The following GABRA1 variants were observed in gnomAD, a reference collection of about 807,000 sequenced individuals.
GABRA1 encodes the protein gamma-aminobutyric acid type A receptor subunit alpha1, also known as gamma-aminobutyric acid receptor subunit alpha-1.
GABRA1 carries 9 observed loss-of-function variants against 48.9 expected under a neutral mutation model. That is an observed-to-expected ratio of 0.18 (90% CI 0.11 to 0.32). GABRA1 has a LOEUF of 0.32. Among genes scored for constraint, GABRA1 ranks in the 10% least tolerant of loss-of-function variants. The probability of loss-of-function intolerance (pLI) is 1.00; values close to 1 mark genes in which losing one functional copy is unlikely to be tolerated. For synonymous variants in GABRA1, 210 were observed against 198.7 expected (o/e 1.06, Z -0.48); for missense variants, 285 against 553.8 (o/e 0.51, Z 4.87).
At chr5:161,852,825 C>T (rs763593020) in intron 2 of GABRA1, among the ~76,000 whole-genome samples, 2 of 151,810 alleles carry the variant, frequency 1.3e-5, no homozygotes, top group Non-Finnish European at 2.9e-5. Context: ...AGAATAATAG[C>T]CATTGCATTT....
At position 161,897,113 on chromosome 5, in the gene GABRA1, A is replaced by T; in HGVS notation, c.1062A>T (p.Pro354=). 1 of 1,613,910 alleles carries T rather than the reference A, an allele frequency of 6.2e-7. No homozygotes were observed. The highest frequency in any genetic ancestry group is 8.5e-7 in the Non-Finnish European group (1 of 1,179,814). ...TGCATTGCTCTTTCTTTCTACAGCC[A>T]AAGAAAGTAAAGGATCCTCTTATTA... is the stretch of plus-strand genomic sequence containing the variant. ...WDGKSVVPEK[P]KKVKDPLIKK... The change falls in exon 10 of 10, where the codon CCA becomes CCT. Residue 354 remains proline, a splice_region_variant and synonymous_variant. Coordinates refer to ENST00000393943, the MANE Select transcript of GABRA1 (RefSeq NM_001127644.2).
At chr5:161,852,981 G>A (rs1757510279) in intron 2 of GABRA1, among the ~76,000 whole-genome samples, 1 of 151,820 alleles carries the variant, frequency 6.6e-6, no homozygotes, top group Non-Finnish European at 1.5e-5. Flanking sequence ...CAACACACAG[G>A]AATGAAGCCC....
chr5:161,859,834 A>G (rs1301958476), intron 3 of GABRA1, among the ~76,000 whole-genome samples: 1 of 151,906 alleles, frequency 6.6e-6, no homozygotes, highest in Non-Finnish European at 1.5e-5. Flanking sequence ...ACGATTTCCA[A>G]ATAAAATTAA....
intron 7 of GABRA1, among the ~76,000 whole-genome samples, chr5:161,885,297 A>G (rs934307039): frequency 2.0e-5 from 3 of 152,242 alleles, no homozygotes; most frequent in African/African-American, 7.2e-5. Context: ...AAGGTCTGCA[A>G]TGCTGTATTT....
chr5:161,870,623 C>T (rs1021517071), intron 4 of GABRA1, among the ~76,000 whole-genome samples: 1 of 146,752 alleles, frequency 6.8e-6, no homozygotes, highest in Non-Finnish European at 1.5e-5. Flanking sequence ...GAAAGAAAGA[C>T]AGACAGACAG....
intron 8 of GABRA1, among the ~76,000 whole-genome samples, chr5:161,894,713 AC>A (rs1561587174): frequency 6.9e-6 from 1 of 144,758 alleles, no homozygotes; most frequent in African/African-American, 2.7e-5. Context: ...ATACTTTTGT[AC>A]TGAGTATAGT....
At chr5:161,882,530 T>G in intron 6 of GABRA1, 28 bp from the exon 7 acceptor site, 1 of 1,605,256 alleles carries the variant, frequency 6.2e-7, no homozygotes, top group Non-Finnish European at 8.5e-7. Context: ...GTAAAATATA[T>G]GGATCATTTT....
chr5:161,867,799 C>A (rs968693341), intron 4 of GABRA1, among the ~76,000 whole-genome samples: 2 of 152,060 alleles, frequency 1.3e-5, no homozygotes, highest in Non-Finnish European at 2.9e-5. Flanking sequence ...AAAAAATTGA[C>A]TTTCCGTTTT....
intron 3 of GABRA1, among the ~76,000 whole-genome samples, chr5:161,856,152 T>C (rs75692691): frequency 7.3e-5 from 11 of 151,406 alleles, no homozygotes; most frequent in Non-Finnish European, 1.6e-4. Flanking sequence ...TATGCACTCC[T>C]AGACCCTGGA....
At chr5:161,890,532 G>T (rs998550316) in intron 7 of GABRA1, among the ~76,000 whole-genome samples, 1 of 152,006 alleles carries the variant, frequency 6.6e-6, no homozygotes, top group African/African-American at 2.4e-5. Context: ...GATCTGATCT[G>T]TTTCTGACCC....
At chr5:161,881,121 C>T (rs185919248) in intron 6 of GABRA1, among the ~76,000 whole-genome samples, 19 of 152,248 alleles carry the variant, frequency 1.2e-4, no homozygotes, top group Admixed American at 3.3e-4. Flanking sequence ...TATTGAGGGC[C>T]TCAGGCCCTG....
intron 6 of GABRA1, among the ~76,000 whole-genome samples, chr5:161,878,780 G>T (rs977162461): frequency 2.0e-5 from 3 of 152,110 alleles, no homozygotes; most frequent in Non-Finnish European, 1.5e-5. Context: ...AGAGATTTGG[G>T]TTGCAGATTC....
At chr5:161,896,682 T>A (rs1427089546) in intron 9 of GABRA1, among the ~76,000 whole-genome samples, 1 of 152,222 alleles carries the variant, frequency 6.6e-6, no homozygotes, top group African/African-American at 2.4e-5. Flanking sequence ...CTTTATTCTA[T>A]AGAATATTAG....
intron 6 of GABRA1, among the ~76,000 whole-genome samples, chr5:161,881,314 C>T (rs2113409055): frequency 6.6e-6 from 1 of 152,196 alleles, no homozygotes; most frequent in Middle Eastern, 3.4e-3. Context: ...TCATTCCAAC[C>T]TATGTGAAGT....
At chr5:161,848,831 G>A in intron 1 of GABRA1, 1 of 345,654 alleles carries the variant, frequency 2.9e-6, no homozygotes, top group Admixed American at 3.6e-5. Context: ...GGCGTCGGGG[G>A]CCATCATCTA....
intron 3 of GABRA1, among the ~76,000 whole-genome samples, chr5:161,859,418 A>G (rs1278908794): frequency 6.6e-6 from 1 of 151,770 alleles, no homozygotes; most frequent in Admixed American, 6.6e-5. Context: ...AGTTGGCAAG[A>G]TGCTGTTGGC....
intron 4 of GABRA1, among the ~76,000 whole-genome samples, chr5:161,869,091 A>G (rs1222753815): frequency 6.6e-6 from 1 of 152,162 alleles, no homozygotes; most frequent in Non-Finnish European, 1.5e-5. Flanking sequence ...AAATTACATT[A>G]TAGGAGAATT....
chr5:161,858,773 T>C (rs1757745481), intron 3 of GABRA1, among the ~76,000 whole-genome samples: 1 of 151,786 alleles, frequency 6.6e-6, no homozygotes, highest in Non-Finnish European at 1.5e-5. Flanking sequence ...GAAAGACCTT[T>C]TCATCCTCTC....
At chr5:161,895,452 T>G (rs1012913666) in intron 8 of GABRA1, among the ~76,000 whole-genome samples, 1 of 152,148 alleles carries the variant, frequency 6.6e-6, no homozygotes, top group Non-Finnish European at 1.5e-5. Flanking sequence ...AATTTATTCC[T>G]ACAAGATATC....
Sources: allele counts gnomAD v4.1 joint callset (sites outside exome capture counted in the v4.1 genomes callset), GRCh38; gene constraint gnomAD v4.1.1; transcripts MANE v1.5; gene names NCBI Gene and HGNC (gene_info 2026-07-23, HGNC 2026-07-21).